Variants in ANKRD44 observed in about 807,000 individuals in gnomAD.
ANKRD44 encodes ankyrin repeat domain 44, also known as serine/threonine-protein phosphatase 6 regulatory ankyrin repeat subunit B.
In ANKRD44, 35 loss-of-function variants were observed where a neutral mutation model predicts 116.0. The observed-to-expected ratio is 0.30, with a 90% confidence interval of 0.23 to 0.40. The LOEUF (loss-of-function observed/expected upper bound fraction) is 0.40, where lower values mean the gene tolerates loss of function less well. Among genes scored for constraint, ANKRD44 ranks in the 10% least tolerant of loss-of-function variants. The pLI, the probability that ANKRD44 is intolerant of heterozygous loss-of-function variation, is 1.00. For missense variants in ANKRD44, 1,014 were observed against 1,242.6 expected, an observed-to-expected ratio of 0.82 and a Z score of 2.77; for synonymous variants, 435 against 461.8, an observed-to-expected ratio of 0.94 and a Z score of 0.74.
At chr2:197,091,830 T>C (rs1167727718) in intron 10 of ANKRD44, among the ~76,000 whole-genome samples, 1 of 152,184 alleles carries the variant, frequency 6.6e-6, no homozygotes, top group Non-Finnish European at 1.5e-5. Context: ...ATTTTTACAT[T>C]GCACATTAAC....
At chr2:197,219,475 G>A (rs918290304) in intron 1 of ANKRD44, among the ~76,000 whole-genome samples, 4 of 152,024 alleles carry the variant, frequency 2.6e-5, no homozygotes, top group Non-Finnish European at 4.4e-5. Flanking sequence ...ACATAAAGTC[G>A]CTTTTGCTTA....
At chr2:197,165,606 G>A (rs2080085386) in intron 2 of ANKRD44, among the ~76,000 whole-genome samples, 1 of 152,206 alleles carries the variant, frequency 6.6e-6, no homozygotes, top group African/African-American at 2.4e-5. Context: ...AGAAAATGCT[G>A]TTCCATGTCT....
At chr2:197,161,613 T>C (rs1211557388) in intron 2 of ANKRD44, among the ~76,000 whole-genome samples, 2 of 152,152 alleles carry the variant, frequency 1.3e-5, no homozygotes, top group African/African-American at 4.8e-5. Flanking sequence ...TAAACACTAA[T>C]ATATATTTGG....
chr2:197,044,762 G>A (rs2076971833), intron 16 of ANKRD44, among the ~76,000 whole-genome samples: 1 of 151,898 alleles, frequency 6.6e-6, no homozygotes, highest in Admixed American at 6.6e-5. Context: ...ATCTCACTTG[G>A]TCCTAAAATA....
intron 1 of ANKRD44, among the ~76,000 whole-genome samples, chr2:197,286,514 A>G (rs2083412018): frequency 6.6e-6 from 1 of 151,958 alleles, no homozygotes; most frequent in Non-Finnish European, 1.5e-5. Flanking sequence ...AGCTAGGACT[A>G]CAAGGACGCC....
chr2:197,053,918 G>T (rs1417103668), intron 16 of ANKRD44, among the ~76,000 whole-genome samples: 1 of 152,148 alleles, frequency 6.6e-6, no homozygotes, highest in Non-Finnish European at 1.5e-5. Flanking sequence ...TTGCTAATGG[G>T]TAACATGTTA....
chr2:197,051,555 A>C (rs534775317), intron 16 of ANKRD44, among the ~76,000 whole-genome samples: 1 of 152,240 alleles, frequency 6.6e-6, no homozygotes, highest in East Asian at 1.9e-4. Flanking sequence ...GGTGCACAAC[A>C]CACACCCAGC....
chr2:197,020,194 A>C (rs1248273954), intron 17 of ANKRD44, among the ~76,000 whole-genome samples: 3 of 152,180 alleles, frequency 2.0e-5, no homozygotes, highest in African/African-American at 7.2e-5. Flanking sequence ...CAGTGTGTAC[A>C]TCAGGCTATG....
At chr2:197,253,618 G>T (rs367706066) in intron 1 of ANKRD44, among the ~76,000 whole-genome samples, 3 of 152,268 alleles carry the variant, frequency 2.0e-5, no homozygotes. Flanking sequence ...AGACCAGAAA[G>T]ATATTAATGT....
At chr2:197,052,880 T>C (rs1282834421) in intron 16 of ANKRD44, among the ~76,000 whole-genome samples, 2 of 152,074 alleles carry the variant, frequency 1.3e-5, no homozygotes, top group Non-Finnish European at 2.9e-5. Context: ...TTTTAAGAAC[T>C]TGAGATAGGC....
intron 1 of ANKRD44, among the ~76,000 whole-genome samples, chr2:197,265,886 C>T (rs779770712): frequency 2.0e-5 from 3 of 151,912 alleles, no homozygotes; most frequent in Non-Finnish European, 4.4e-5. Flanking sequence ...AGTTCTAATC[C>T]GAAAAACCTA....
chr2:197,101,589 T>G (rs2078295059), intron 9 of ANKRD44, among the ~76,000 whole-genome samples: 2 of 152,162 alleles, frequency 1.3e-5, no homozygotes, highest in South Asian at 4.1e-4. Context: ...AATTTTATGT[T>G]ATGTATATTT....
intron 1 of ANKRD44, among the ~76,000 whole-genome samples, chr2:197,238,154 C>T (rs1574335285): frequency 6.6e-6 from 1 of 152,148 alleles, no homozygotes; most frequent in Non-Finnish European, 1.5e-5. Context: ...CTGTGTGGTC[C>T]TTTCATTAAT....
intron 16 of ANKRD44, among the ~76,000 whole-genome samples, chr2:197,033,524 T>A (rs531781800): frequency 6.6e-6 from 1 of 152,202 alleles, no homozygotes; most frequent in Non-Finnish European, 1.5e-5. Context: ...GACTAGGGAA[T>A]TGAACCTATA....
intron 16 of ANKRD44, among the ~76,000 whole-genome samples, chr2:197,026,200 A>C (rs2076592164): frequency 6.6e-6 from 1 of 152,224 alleles, no homozygotes; most frequent in African/African-American, 2.4e-5. Flanking sequence ...ATGTGCCCTG[A>C]CACTGTTCCC....
At chr2:196,990,184 T>C (rs2075892855) in intron 27 of ANKRD44, 2 of 986,004 alleles carry the variant, frequency 2.0e-6, no homozygotes, top group Non-Finnish European at 2.4e-6. Context: ...CAGGCATTAT[T>C]TCTGAAGATG....
At chr2:197,038,801 A>G (rs951948872) in intron 16 of ANKRD44, among the ~76,000 whole-genome samples, 1 of 152,228 alleles carries the variant, frequency 6.6e-6, no homozygotes, top group Non-Finnish European at 1.5e-5. Context: ...TAAAGCCACT[A>G]TTATTAGGGA....
intron 2 of ANKRD44, among the ~76,000 whole-genome samples, chr2:197,182,712 T>C (rs2080541342): frequency 6.6e-6 from 1 of 152,130 alleles, no homozygotes; most frequent in Admixed American, 6.5e-5. Context: ...ATCCCAAATA[T>C]ATGAAAAGTC....
chr2:197,273,975 AAAAAAATATATATATATATAT>A (rs1408021103), intron 1 of ANKRD44, among the ~76,000 whole-genome samples: 4 of 54,460 alleles, frequency 7.3e-5, no homozygotes, highest in Non-Finnish European at 1.1e-4. Context: ...AAAAAAAAAA[AAAAAAATATATATATATATAT>A]ATATATATAT....
Sources: allele counts gnomAD v4.1 joint callset (sites outside exome capture counted in the v4.1 genomes callset), GRCh38; gene constraint gnomAD v4.1.1; transcripts MANE v1.5; gene names NCBI Gene and HGNC (gene_info 2026-07-23, HGNC 2026-07-21).